DPP6: variants seen among roughly 807,000 people sequenced by gnomAD.
The protein encoded by DPP6 is dipeptidyl peptidase like 6, also known as A-type potassium channel modulatory protein DPP6.
Under a neutral mutation model 122.6 loss-of-function variants are expected in DPP6, and 69 were observed. The ratio of observed to expected loss-of-function variants is 0.56; its 90% CI spans 0.46 to 0.69. The LOEUF is 0.69. DPP6 is among the 30% of genes least tolerant of loss of function. The pLI is 0.00. For missense variants in DPP6, 928 were observed against 1,116.9 expected, an observed-to-expected ratio of 0.83 and a Z score of 2.41; for synonymous variants, 418 against 433.1, an observed-to-expected ratio of 0.97 and a Z score of 0.43.
chr7:154,592,166 G>A (rs1241413949), intron 5 of DPP6, among the ~76,000 whole-genome samples: 1 of 152,186 alleles, frequency 6.6e-6, no homozygotes, highest in Non-Finnish European at 1.5e-5. Flanking sequence ...CTGGATCAAC[G>A]GCGCCATCAT....
intron 1 of DPP6, among the ~76,000 whole-genome samples, chr7:154,054,748 C>A (rs1232366355): frequency 6.7e-6 from 1 of 149,602 alleles, no homozygotes; most frequent in Non-Finnish European, 1.5e-5. Flanking sequence ...AGCTGCAATG[C>A]AAACAGGAAA....
intron 1 of DPP6, among the ~76,000 whole-genome samples, chr7:154,433,270 C>G (rs768428545): frequency 1.4e-4 from 21 of 150,800 alleles, no homozygotes; most frequent in Non-Finnish European, 2.4e-4. Context: ...CTCAGCCTCC[C>G]AAGTAGCTGA....
chr7:154,200,813 C>T (rs1415700590), intron 1 of DPP6, among the ~76,000 whole-genome samples: 1 of 152,164 alleles, frequency 6.6e-6, no homozygotes, highest in Non-Finnish European at 1.5e-5. Flanking sequence ...GTTAGCCCCG[C>T]CTGGACACCA....
At chr7:154,717,941 A>G (rs181354191) in intron 7 of DPP6, among the ~76,000 whole-genome samples, 2 of 152,328 alleles carry the variant, frequency 1.3e-5, no homozygotes, top group African/African-American at 4.8e-5. Context: ...GATAACAGCC[A>G]TTCTAACGGG....
chr7:154,425,373 T>C (rs1424307238), intron 1 of DPP6, among the ~76,000 whole-genome samples: 1 of 152,186 alleles, frequency 6.6e-6, no homozygotes. Flanking sequence ...AGGTTTAGTG[T>C]CTTCTCTTTG....
chr7:154,892,568 G>GAA lies in DPP6; in HGVS notation c.*88_*89insAA. ...CCTGCCCTCCCTCTTCCCTCGGAGG[G>GAA]GCGGGGCGGGGCGGGGCCGGGTGTT... On this transcript the variant is annotated 3_prime_UTR_variant, in exon 26 of 26. Coordinates refer to ENST00000377770, the MANE Select transcript of DPP6 (RefSeq NM_130797.4). 1.3e-6 allele frequency: 2 copies of GAA among 1,552,108 alleles called. No individual in the cohort carries two copies. The highest frequency in any genetic ancestry group is 1.7e-6 in the Non-Finnish European group (2 of 1,145,332).
intron 1 of DPP6, among the ~76,000 whole-genome samples, chr7:153,977,541 C>CGT (rs1554424876): frequency 2.1e-4 from 32 of 151,884 alleles, no homozygotes; most frequent in Non-Finnish European, 1.5e-5. Flanking sequence ...CAGCCTCATT[C>CGT]TTTCTTTTTG....
chr7:154,308,016 T>C (rs1806514850), intron 1 of DPP6, among the ~76,000 whole-genome samples: 1 of 152,132 alleles, frequency 6.6e-6, no homozygotes, highest in South Asian at 2.1e-4. Context: ...CACTGGCACC[T>C]CACATCCTCA....
chr7:154,137,050 G>A (rs1563236432), intron 1 of DPP6, among the ~76,000 whole-genome samples: 2 of 152,152 alleles, frequency 1.3e-5, no homozygotes, highest in Admixed American at 6.5e-5. Context: ...GAGAACTTTA[G>A]GGGGACATTC....
intron 3 of DPP6, among the ~76,000 whole-genome samples, chr7:154,497,800 G>C (rs567153986): frequency 6.6e-6 from 1 of 151,856 alleles, no homozygotes; most frequent in African/African-American, 2.4e-5. Flanking sequence ...TAAAACAAAG[G>C]GTCGTCAATA....
the DPP6 span, among the ~76,000 whole-genome samples, chr7:153,837,306 T>C: frequency 6.6e-5 from 10 of 152,214 alleles, no homozygotes; most frequent in African/African-American, 2.4e-4. Flanking sequence ...TAGCTGCCAA[T>C]GTTTGGCCCT....
chr7:154,448,923 G>A (rs1319672735), intron 2 of DPP6, among the ~76,000 whole-genome samples: 1 of 152,156 alleles, frequency 6.6e-6, no homozygotes, highest in Non-Finnish European at 1.5e-5. Flanking sequence ...TGAACTCAAT[G>A]TGGACCAAAG....
intron 1 of DPP6, among the ~76,000 whole-genome samples, chr7:154,393,852 A>C (rs1055792417): frequency 6.6e-6 from 1 of 152,124 alleles, no homozygotes; most frequent in African/African-American, 2.4e-5. Context: ...TTCTGTCTCC[A>C]TGATTTTGAC....
chr7:153,807,629 T>C, the DPP6 span, among the ~76,000 whole-genome samples: 1 of 151,932 alleles, frequency 6.6e-6, no homozygotes, highest in East Asian at 1.9e-4. Flanking sequence ...ATCTGAGGTT[T>C]TGGCGGGGCT....
At chr7:154,547,384 A>C (rs1829282357) in intron 4 of DPP6, among the ~76,000 whole-genome samples, 1 of 152,210 alleles carries the variant, frequency 6.6e-6, no homozygotes, top group Non-Finnish European at 1.5e-5. Context: ...ACTAACCCAG[A>C]TTTCTGGCGT....
intron 1 of DPP6, among the ~76,000 whole-genome samples, chr7:154,175,721 CTT>C (rs34496609): frequency 5.9e-5 from 8 of 135,894 alleles, no homozygotes; most frequent in African/African-American, 1.4e-4. Flanking sequence ...TGGAGACTGG[CTT>C]TTTTTTTTTT....
At chr7:153,760,207 T>C in the DPP6 span, among the ~76,000 whole-genome samples, 3 of 152,232 alleles carry the variant, frequency 2.0e-5, no homozygotes, top group Admixed American at 6.5e-5. Context: ...TCCCACCCAG[T>C]GTATTTTTTG....
chr7:154,353,897 C>T (rs746166593), intron 1 of DPP6, among the ~76,000 whole-genome samples: 19 of 152,156 alleles, frequency 1.2e-4, no homozygotes, highest in Non-Finnish European at 2.5e-4. Flanking sequence ...AAATAAATTC[C>T]GTTGCCAAGT....
At chr7:154,367,802 TATTGATTGATTG>T (rs777783228) in intron 1 of DPP6, among the ~76,000 whole-genome samples, 12 of 152,296 alleles carry the variant, frequency 7.9e-5, no homozygotes, top group African/African-American at 2.9e-4. Context: ...TAAAATTTAT[TATTGATTGATTG>T]ATTGATTGAT....
Sources: gnomAD v4.1 joint callset for allele counts (sites outside exome capture counted in the v4.1 genomes callset) on GRCh38, gnomAD v4.1.1 for gene constraint, MANE v1.5 for transcripts, NCBI Gene and HGNC (gene_info 2026-07-23, HGNC 2026-07-21) for gene names.